The following ZNF804B variants were observed in gnomAD, a reference collection of about 807,000 sequenced individuals.
ZNF804B encodes the protein zinc finger 804B.
A neutral mutation model predicts 101.4 loss-of-function variants in ZNF804B; 80 were observed. The ratio of observed to expected loss-of-function variants is 0.79; its 90% CI spans 0.66 to 0.95. The LOEUF is 0.95. Among genes scored for constraint, ZNF804B ranks in the 40% least tolerant of loss-of-function variants. The pLI is 0.00. For missense variants in ZNF804B, 1,673 were observed against 1,561.9 expected (o/e 1.07, Z -1.20); for synonymous variants, 622 against 558.8 (o/e 1.11, Z -1.59).
chr7:89,043,895 C>G (rs1157792003), intron 1 of ZNF804B, among the ~76,000 whole-genome samples: 1 of 152,060 alleles, frequency 6.6e-6, no homozygotes, highest in African/African-American at 2.4e-5. Context: ...TAAGAGATAT[C>G]AGGAGCTAAA....
intron 1 of ZNF804B, among the ~76,000 whole-genome samples, chr7:88,872,715 T>C (rs62462059): frequency 0.46 from 69,322 of 149,476 alleles, 18,368 homozygotes; most frequent in African/African-American, 0.73. Flanking sequence ...TGAGAATATG[T>C]GGCGTTTGGT....
chr7:88,957,920 A>ATGTGTG (rs149699439), intron 1 of ZNF804B, among the ~76,000 whole-genome samples: 3 of 149,696 alleles, frequency 2.0e-5, no homozygotes, highest in Non-Finnish European at 4.5e-5. Flanking sequence ...GTGTGTGCAT[A>ATGTGTG]TGTGTGTGTG....
intron 1 of ZNF804B, among the ~76,000 whole-genome samples, chr7:88,883,317 T>G (rs1235103269): frequency 6.6e-6 from 1 of 152,136 alleles, no homozygotes; most frequent in African/African-American, 2.4e-5. Flanking sequence ...AATCCTTTTT[T>G]TCTTTGTCTT....
intron 1 of ZNF804B, among the ~76,000 whole-genome samples, chr7:88,791,739 C>G (rs374472565): frequency 2.0e-5 from 3 of 152,204 alleles, no homozygotes. Context: ...ATAAGTGATA[C>G]AAAGAGCTTA....
chr7:88,915,365 C>T (rs183222343), intron 1 of ZNF804B, among the ~76,000 whole-genome samples: 18 of 152,008 alleles, frequency 1.2e-4, no homozygotes, highest in Admixed American at 7.9e-4. Flanking sequence ...TAAAACTATA[C>T]GGGGTTAACT....
intron 1 of ZNF804B, among the ~76,000 whole-genome samples, chr7:88,846,780 A>G (rs1583973038): frequency 1.3e-5 from 2 of 152,242 alleles, no homozygotes; most frequent in East Asian, 3.9e-4. Flanking sequence ...ACTATCATAT[A>G]TATGTATATA....
intron 1 of ZNF804B, among the ~76,000 whole-genome samples, chr7:88,818,162 A>C (rs1790915125): frequency 6.6e-6 from 1 of 152,192 alleles, no homozygotes; most frequent in South Asian, 2.1e-4. Context: ...ATCTATAATA[A>C]ATGAATAAAT....
intron 1 of ZNF804B, among the ~76,000 whole-genome samples, chr7:88,872,017 T>C (rs1216766517): frequency 6.6e-6 from 1 of 152,146 alleles, no homozygotes; most frequent in Non-Finnish European, 1.5e-5. Flanking sequence ...TAGGAAATTT[T>C]ATGATTTTCC....
intron 1 of ZNF804B, among the ~76,000 whole-genome samples, chr7:88,934,466 C>G (rs373360393): frequency 6.6e-6 from 1 of 151,818 alleles, no homozygotes; most frequent in Non-Finnish European, 1.5e-5. Flanking sequence ...ACAGACAACC[C>G]ACAGAATGGG....
chr7:89,080,876 G>A (rs1392499730), intron 1 of ZNF804B, among the ~76,000 whole-genome samples: 1 of 151,912 alleles, frequency 6.6e-6, no homozygotes, highest in Non-Finnish European at 1.5e-5. Context: ...TTAGGAAAAA[G>A]TGTCTAAGTC....
Position 88,759,891 on chromosome 7 carries a change from C to A in ZNF804B, c.-86C>A, listed in dbSNP as rs1789864734. ...CCGCGTCTTCTCGGGAGGTGGTAGTCGCTGTTGCCGCTGAGAAACCCGCCC... is the reference window on the plus strand; with the variant it reads ...CCGCGTCTTCTCGGGAGGTGGTAGTAGCTGTTGCCGCTGAGAAACCCGCCC... On this transcript the variant is annotated 5_prime_UTR_variant, in exon 1 of 4. Coordinates refer to ENST00000333190, the MANE Select transcript of ZNF804B (RefSeq NM_181646.5). 2 of 1,096,238 alleles carry A rather than the reference C, an allele frequency of 1.8e-6. No homozygotes were observed. The highest frequency in any genetic ancestry group is 1.8e-5 in the Admixed American group (1 of 55,848). The allele number at this position is 1,096,238 out of a possible 1,614,324, so 67.9% of individuals were successfully genotyped here.
chr7:89,105,888 G>A (rs1359941883), intron 1 of ZNF804B, among the ~76,000 whole-genome samples: 3 of 152,026 alleles, frequency 2.0e-5, no homozygotes, highest in African/African-American at 7.2e-5. Flanking sequence ...TTGATGTAGT[G>A]GTTCACAGAA....
intron 1 of ZNF804B, among the ~76,000 whole-genome samples, chr7:88,927,857 T>G (rs1029339966): frequency 6.6e-6 from 1 of 152,156 alleles, no homozygotes; most frequent in Non-Finnish European, 1.5e-5. Context: ...CATGCACTTA[T>G]GGGTTTTTTT....
intron 1 of ZNF804B, among the ~76,000 whole-genome samples, chr7:89,051,721 G>T (rs1326480619): frequency 1.3e-5 from 2 of 151,744 alleles, no homozygotes; most frequent in African/African-American, 4.8e-5. Context: ...AAATTTATGA[G>T]TTTCCTTTGT....
intron 1 of ZNF804B, among the ~76,000 whole-genome samples, chr7:88,935,497 A>G (rs1792952679): frequency 6.6e-6 from 1 of 151,858 alleles, no homozygotes; most frequent in Non-Finnish European, 1.5e-5. Context: ...CAGCATGGGC[A>G]ACATGGTGAG....
chr7:89,244,226 T>C (rs1236822492), intron 2 of ZNF804B, among the ~76,000 whole-genome samples: 2 of 152,064 alleles, frequency 1.3e-5, no homozygotes, highest in Non-Finnish European at 2.9e-5. Flanking sequence ...TGGAGTAATG[T>C]TTGTTTATCT....
chr7:88,987,095 C>T (rs898496473), intron 1 of ZNF804B, among the ~76,000 whole-genome samples: 9 of 152,092 alleles, frequency 5.9e-5, no homozygotes, highest in African/African-American at 2.2e-4. Flanking sequence ...ACTTGTCCCT[C>T]AACTACTTGA....
intron 1 of ZNF804B, among the ~76,000 whole-genome samples, chr7:89,066,344 G>T (rs1037937919): frequency 2.0e-5 from 3 of 152,174 alleles, no homozygotes; most frequent in Admixed American, 1.3e-4. Context: ...ATGAAGCCTT[G>T]ATCCTGGACC....
At chr7:88,966,476 C>A (rs1793456570) in intron 1 of ZNF804B, among the ~76,000 whole-genome samples, 1 of 151,516 alleles carries the variant, frequency 6.6e-6, no homozygotes, top group Non-Finnish European at 1.5e-5. Flanking sequence ...TTTAAAAGAA[C>A]TCCTGAAAAT....
Sources: gnomAD v4.1 joint callset for allele counts (sites outside exome capture counted in the v4.1 genomes callset) on GRCh38, gnomAD v4.1.1 for gene constraint, MANE v1.5 for transcripts, NCBI Gene and HGNC (gene_info 2026-07-23, HGNC 2026-07-21) for gene names.